LDB2: variants seen among roughly 807,000 people sequenced by gnomAD.
LDB2 encodes LIM domain-binding protein 2.
In LDB2, 12 loss-of-function variants were observed where a neutral mutation model predicts 44.3. The observed-to-expected ratio is 0.27, with a 90% CI of 0.17 to 0.44. LDB2 has a LOEUF of 0.44. Among genes scored for constraint, LDB2 ranks in the 20% least tolerant of loss-of-function variants. The pLI, the probability that LDB2 is intolerant of heterozygous loss-of-function variation, is 1.00. For synonymous variants in LDB2, 164 were observed against 174.8 expected, an observed-to-expected ratio of 0.94 and a Z score of 0.49; for missense variants, 344 against 473.5, an observed-to-expected ratio of 0.73 and a Z score of 2.54.
At chr4:16,508,055 T>A (rs1577241770) in intron 7 of LDB2, among the ~76,000 whole-genome samples, 1 of 152,240 alleles carries the variant, frequency 6.6e-6, no homozygotes, top group Non-Finnish European at 1.5e-5. Flanking sequence ...AGCTACATGT[T>A]TAGTGGCTGC....
In LDB2 at chr4:16,501,990, T is replaced by C. The variant is rs756269702; in HGVS notation, c.*653A>G. 2 of 152,676 alleles carry C rather than the reference T, an allele frequency of 1.3e-5. No homozygotes were observed. Among genetic ancestry groups the C allele is most frequent in the African/African-American group, 2.4e-5 (1 of 41,564 alleles). 9.5% of individuals were successfully genotyped at this position (152,676 alleles called of 1,614,324 possible). ...GGTGTCTTTGATGAAAAAAATGACATTTCTTGTTTCAGCACTTGGGCTAAA... is the reference window on the plus strand; with the variant it reads ...GGTGTCTTTGATGAAAAAAATGACACTTCTTGTTTCAGCACTTGGGCTAAA... On this transcript the variant is annotated 3_prime_UTR_variant, in exon 8 of 8. Coordinates refer to ENST00000304523, the MANE Select transcript of LDB2 (RefSeq NM_001290.5).
At chr4:16,572,421 T>C (rs1389115905) in intron 5 of LDB2, among the ~76,000 whole-genome samples, 1 of 152,192 alleles carries the variant, frequency 6.6e-6, no homozygotes, top group Non-Finnish European at 1.5e-5. Context: ...CTCTAGTGCC[T>C]GAGACTGGGA....
intron 1 of LDB2, among the ~76,000 whole-genome samples, chr4:16,796,404 G>A (rs1281727289): frequency 6.6e-6 from 1 of 152,122 alleles, no homozygotes; most frequent in Non-Finnish European, 1.5e-5. Context: ...ACCAAAAGTG[G>A]AAAAATTTGA....
At chr4:16,817,057 C>T (rs868026505) in intron 1 of LDB2, among the ~76,000 whole-genome samples, 1 of 152,122 alleles carries the variant, frequency 6.6e-6, no homozygotes, top group African/African-American at 2.4e-5. Context: ...GGGGAACAGG[C>T]CCTGTGAAGG....
At chr4:16,709,379 C>T (rs1755372430) in intron 2 of LDB2, among the ~76,000 whole-genome samples, 1 of 152,294 alleles carries the variant, frequency 6.6e-6, no homozygotes, top group Non-Finnish European at 1.5e-5. Context: ...AACCAAGTGA[C>T]TATGACCTAA....
chr4:16,665,983 G>A (rs1008930935), intron 2 of LDB2, among the ~76,000 whole-genome samples: 7 of 152,158 alleles, frequency 4.6e-5, no homozygotes, highest in African/African-American at 1.7e-4. Flanking sequence ...AGCCAGGATG[G>A]GGGCCTGGAA....
intron 1 of LDB2, among the ~76,000 whole-genome samples, chr4:16,857,086 G>A (rs1272529916): frequency 6.6e-6 from 1 of 152,060 alleles, no homozygotes; most frequent in African/African-American, 2.4e-5. Flanking sequence ...TCATGACCCC[G>A]TTACTAATTC....
intron 2 of LDB2, among the ~76,000 whole-genome samples, 199 bp downstream of exon 2, chr4:16,758,959 T>A (rs1394365138): frequency 6.6e-6 from 1 of 152,072 alleles, no homozygotes; most frequent in African/African-American, 2.4e-5. Flanking sequence ...TACCCAAACA[T>A]TCTAAGCCTC....
rs557057648 is a variant in LDB2 at position 16,517,791 on chromosome 4, T to C, written c.616-5687A>G. On this transcript the variant is annotated intron_variant, in intron 5 of 7. Coordinates refer to ENST00000304523, the MANE Select transcript of LDB2 (RefSeq NM_001290.5). ...TTAGGTTGAGCTTGCTCTCCTATGC[T>C]TCTGACCTCTTTTTTCTGGAGATTC... Among the ~76,000 whole-genome samples the C allele has an allele frequency of 5.3e-5, 8 of 152,342 alleles. No homozygotes were observed. In the South Asian group the frequency reaches 1.2e-3, roughly 24 times the overall value.
At chr4:16,662,018 C>T (rs1192750571) in intron 2 of LDB2, among the ~76,000 whole-genome samples, 1 of 152,152 alleles carries the variant, frequency 6.6e-6, no homozygotes, top group Non-Finnish European at 1.5e-5. Flanking sequence ...TCTAGCATTC[C>T]AAGTATGTCT....
chr4:16,697,358 G>C (rs1752404805), intron 2 of LDB2, among the ~76,000 whole-genome samples: 2 of 151,680 alleles, frequency 1.3e-5, no homozygotes, highest in African/African-American at 2.4e-5. Context: ...GGGAGGCTGA[G>C]GCAGGAGAAT....
At position 16,773,609 on chromosome 4, in the gene LDB2, G is replaced by C. The variant is rs188946522; in HGVS notation, c.133-14349C>G. Among the ~76,000 whole-genome samples, 23 of 152,226 alleles carry C rather than the reference G, an allele frequency of 1.5e-4. 2 individuals are homozygous for C. Among genetic ancestry groups the C allele is most frequent in the Admixed American group, 9.8e-4 (15 of 15,288 alleles). ...TCAGGCAGTAATGTGAGTGATGGGG[G>C]AGCGGCTGTAAATACAGATGAAGCT... On this transcript the variant is annotated intron_variant, in intron 1 of 7. Coordinates refer to ENST00000304523, the MANE Select transcript of LDB2 (RefSeq NM_001290.5).
At chr4:16,762,043 T>A (rs977059908) in intron 1 of LDB2, among the ~76,000 whole-genome samples, 1 of 151,750 alleles carries the variant, frequency 6.6e-6, no homozygotes, top group Non-Finnish European at 1.5e-5. Context: ...AATAGAAAAA[T>A]TGGCCAGCCA....
At chr4:16,711,468 T>G (rs1019451397) in intron 2 of LDB2, among the ~76,000 whole-genome samples, 1 of 152,192 alleles carries the variant, frequency 6.6e-6, no homozygotes, top group African/African-American at 2.4e-5. Flanking sequence ...ATGATTGTGT[T>G]GGCAGGGACA....
chr4:16,832,256 C>T (rs1359675017), intron 1 of LDB2, among the ~76,000 whole-genome samples: 3 of 152,316 alleles, frequency 2.0e-5, no homozygotes, highest in Non-Finnish European at 2.9e-5. Flanking sequence ...GTATTATCAT[C>T]ATTTTACAGA....
chr4:16,806,307 T>C (rs1778782148), intron 1 of LDB2, among the ~76,000 whole-genome samples: 1 of 152,224 alleles, frequency 6.6e-6, no homozygotes, highest in Admixed American at 6.5e-5. Flanking sequence ...TGATTACACC[T>C]CTTTCTTTCC....
intron 1 of LDB2, among the ~76,000 whole-genome samples, chr4:16,826,995 AGGAACGTAAAGG>A (rs1339727115): frequency 6.6e-6 from 1 of 152,242 alleles, no homozygotes; most frequent in Non-Finnish European, 1.5e-5. Context: ...ATTCAGAGAC[AGGAACGTAAAGG>A]AAGATTCCCT....
intron 5 of LDB2, among the ~76,000 whole-genome samples, chr4:16,525,895 A>T (rs941507043): frequency 6.6e-6 from 1 of 152,166 alleles, no homozygotes; most frequent in Non-Finnish European, 1.5e-5. Flanking sequence ...CCACATTCTA[A>T]TGGTTCGAAA....
At chr4:16,526,707 A>T (rs1292646745) in intron 5 of LDB2, among the ~76,000 whole-genome samples, 1 of 152,238 alleles carries the variant, frequency 6.6e-6, no homozygotes. Flanking sequence ...AAAGGGTGCC[A>T]GGAGCCAAGG....
Sources: allele counts gnomAD v4.1 joint callset (sites outside exome capture counted in the v4.1 genomes callset), GRCh38; gene constraint gnomAD v4.1.1; transcripts MANE v1.5; gene names NCBI Gene and HGNC (gene_info 2026-07-23, HGNC 2026-07-21).